CFAP53: variants seen among roughly 807,000 people sequenced by gnomAD.
CFAP53 encodes cilia and flagella associated protein 53.
A neutral mutation model predicts 59.7 loss-of-function variants in CFAP53; 62 were observed. The ratio of observed to expected loss-of-function variants is 1.04; its 90% CI spans 0.85 to 1.28. CFAP53 has a LOEUF of 1.28. CFAP53 is among the 50% of genes most tolerant of loss of function. CFAP53 has a pLI of 0.00. For synonymous variants in CFAP53, 218 were observed against 205.7 expected (o/e 1.06, Z -0.51); for missense variants, 629 against 615.6 (o/e 1.02, Z -0.23).
At chr18:50,264,047 G>A (rs925693841) in intron 1 of CFAP53, among the ~76,000 whole-genome samples, 1 of 152,196 alleles carries the variant, frequency 6.6e-6, no homozygotes, top group Non-Finnish European at 1.5e-5. Context: ...AAATTTTCAA[G>A]TGGCTGCATT....
chr18:50,232,811 CT>C (rs1339048341), intron 7 of CFAP53, among the ~76,000 whole-genome samples: 1 of 152,230 alleles, frequency 6.6e-6, no homozygotes, highest in Non-Finnish European at 1.5e-5. Flanking sequence ...TGACCTTGCA[CT>C]GTGCAGTGGC....
At chr18:50,249,845 C>G (rs530943739) in intron 5 of CFAP53, among the ~76,000 whole-genome samples, 1 of 152,040 alleles carries the variant, frequency 6.6e-6, no homozygotes, top group African/African-American at 2.4e-5. Flanking sequence ...CAAGATATTA[C>G]CATTGAGGGA....
intron 5 of CFAP53, among the ~76,000 whole-genome samples, chr18:50,245,555 G>A (rs1177884472): frequency 6.6e-6 from 1 of 152,124 alleles, no homozygotes; most frequent in African/African-American, 2.4e-5. Context: ...ATTTAACAAA[G>A]TAAGTGTTAA....
At chr18:50,227,910 G>A (rs1015056104) in intron 7 of CFAP53, among the ~76,000 whole-genome samples, 4 of 145,594 alleles carry the variant, frequency 2.7e-5, no homozygotes, top group African/African-American at 1.0e-4. Flanking sequence ...TTCTCTATGG[G>A]TAAAATTGGA....
At chr18:50,254,607 G>A (rs1599128735) in intron 3 of CFAP53, among the ~76,000 whole-genome samples, 1 of 152,306 alleles carries the variant, frequency 6.6e-6, no homozygotes, top group East Asian at 1.9e-4. Context: ...TTACATTTAT[G>A]GCTGGGAGTG....
intron 5 of CFAP53, among the ~76,000 whole-genome samples, chr18:50,245,077 A>G (rs915109125): frequency 2.0e-5 from 3 of 150,762 alleles, no homozygotes; most frequent in African/African-American, 7.3e-5. Flanking sequence ...AAAAAAAAAA[A>G]AAAAAAACTA....
At chr18:50,233,188 G>A (rs191414011) in intron 7 of CFAP53, among the ~76,000 whole-genome samples, 3 of 152,106 alleles carry the variant, frequency 2.0e-5, no homozygotes, top group Admixed American at 6.5e-5. Flanking sequence ...TAATTAGAAT[G>A]CAAACATCGA....
chr18:50,241,714 A>T (rs2033691735), intron 6 of CFAP53, among the ~76,000 whole-genome samples: 1 of 152,130 alleles, frequency 6.6e-6, no homozygotes, highest in South Asian at 2.1e-4. Flanking sequence ...GGGGTGTACA[A>T]ACAGGGAGTA....
At chr18:50,233,941 G>A (rs554359678) in intron 7 of CFAP53, among the ~76,000 whole-genome samples, 5 of 152,166 alleles carry the variant, frequency 3.3e-5, no homozygotes, top group African/African-American at 1.2e-4. Flanking sequence ...CCACTGTGAC[G>A]GAGCAGATTG....
chr18:50,260,115 C>T (rs778062846), intron 3 of CFAP53, among the ~76,000 whole-genome samples: 3 of 152,196 alleles, frequency 2.0e-5, no homozygotes, highest in Non-Finnish European at 4.4e-5. Context: ...CCATACAAAT[C>T]TTCCCTCTGT....
chr18:50,239,730 TAA>T (rs1471401668), intron 6 of CFAP53, among the ~76,000 whole-genome samples: 1 of 152,202 alleles, frequency 6.6e-6, no homozygotes, highest in African/African-American at 2.4e-5. Context: ...ATATTTTTGA[TAA>T]GTGAAAAATA....
intron 3 of CFAP53, among the ~76,000 whole-genome samples, chr18:50,257,662 T>C (rs1377140027): frequency 1.3e-5 from 2 of 152,190 alleles, no homozygotes; most frequent in African/African-American, 2.4e-5. Context: ...GAAGAATCAA[T>C]ATTATTAAAA....
At chr18:50,233,671 A>G (rs920091393) in intron 7 of CFAP53, among the ~76,000 whole-genome samples, 6 of 152,184 alleles carry the variant, frequency 3.9e-5, no homozygotes, top group African/African-American at 1.2e-4. Context: ...TATCACGGCT[A>G]TTGCCTCCAT....
intron 7 of CFAP53, among the ~76,000 whole-genome samples, chr18:50,236,804 G>A (rs964447706): frequency 2.0e-5 from 3 of 152,148 alleles, no homozygotes; most frequent in African/African-American, 4.8e-5. Flanking sequence ...AACTACCTAG[G>A]TGAGCCGTGT....
At chr18:50,239,685 T>C (rs528018186) in intron 6 of CFAP53, among the ~76,000 whole-genome samples, 2 of 152,324 alleles carry the variant, frequency 1.3e-5, no homozygotes, top group East Asian at 3.9e-4. Flanking sequence ...AGGCAGTCAT[T>C]ACAAATCTTA....
chr18:50,261,029 T>C, intron 3 of CFAP53, 35 bp downstream of exon 3: 1 of 1,579,572 alleles, frequency 6.3e-7, no homozygotes, highest in Non-Finnish European at 8.6e-7. Flanking sequence ...TGTACCAACT[T>C]TGGATTCTGT....
At chr18:50,242,753 G>A (rs2033702886) in intron 6 of CFAP53, 147 bp downstream of exon 6, 1 of 670,806 alleles carries the variant, frequency 1.5e-6, no homozygotes, top group African/African-American at 1.8e-5. Context: ...AATTAGATAA[G>A]ATTTGCAATA....
intron 5 of CFAP53, among the ~76,000 whole-genome samples, chr18:50,247,527 T>C (rs1459520426): frequency 1.3e-5 from 2 of 152,240 alleles, no homozygotes; most frequent in African/African-American, 4.8e-5. Flanking sequence ...AGTAGCATTA[T>C]TCATGATAGC....
intron 1 of CFAP53, among the ~76,000 whole-genome samples, chr18:50,265,293 C>A (rs2033936278): frequency 6.6e-6 from 1 of 152,144 alleles, no homozygotes; most frequent in Non-Finnish European, 1.5e-5. Context: ...AAAACACAAG[C>A]AAACAACACA....
Sources: allele counts gnomAD v4.1 joint callset (sites outside exome capture counted in the v4.1 genomes callset), GRCh38; gene constraint gnomAD v4.1.1; transcripts MANE v1.5; gene names NCBI Gene and HGNC (gene_info 2026-07-23, HGNC 2026-07-21).